LMCD1: variants seen among roughly 807,000 people sequenced by gnomAD.
LMCD1 encodes LIM and cysteine rich domains 1.
A neutral mutation model predicts 42.7 loss-of-function variants in LMCD1; 32 were observed. The ratio of observed to expected loss-of-function variants is 0.75; its 90% CI spans 0.57 to 1.01. The LOEUF (loss-of-function observed/expected upper bound fraction) is 1.01, where lower values mean the gene tolerates loss of function less well. Among genes scored for constraint, LMCD1 ranks in the 50% least tolerant of loss-of-function variants. The pLI, the probability that LMCD1 is intolerant of heterozygous loss-of-function variation, is 0.00. For synonymous variants in LMCD1, 178 were observed against 184.9 expected, an observed-to-expected ratio of 0.96 and a Z score of 0.30; for missense variants, 458 against 483.1, an observed-to-expected ratio of 0.95 and a Z score of 0.49.
intron 1 of LMCD1, among the ~76,000 whole-genome samples, chr3:8,516,516 G>A (rs1235530319): frequency 1.3e-5 from 2 of 152,114 alleles, no homozygotes; most frequent in Admixed American, 6.5e-5. Context: ...GCTCTTTGAA[G>A]TGCAAGAAAT....
chr3:8,547,819 G>A (rs2125031492), intron 3 of LMCD1, among the ~76,000 whole-genome samples: 1 of 152,058 alleles, frequency 6.6e-6, no homozygotes, highest in Non-Finnish European at 1.5e-5. Flanking sequence ...CCGGGAGGCA[G>A]AGCTTGCAGT....
intron 3 of LMCD1, among the ~76,000 whole-genome samples, chr3:8,548,228 G>A (rs1559354481): frequency 6.6e-6 from 1 of 152,090 alleles, no homozygotes; most frequent in Non-Finnish European, 1.5e-5. Context: ...GATGAGCTTT[G>A]ACACAGATAC....
intron 1 of LMCD1, among the ~76,000 whole-genome samples, chr3:8,518,142 A>C (rs1000763091): frequency 6.6e-6 from 1 of 152,150 alleles, no homozygotes; most frequent in African/African-American, 2.4e-5. Context: ...GTTCAACACT[A>C]AGCTCCAACA....
intron 1 of LMCD1, among the ~76,000 whole-genome samples, chr3:8,511,788 T>C (rs1229127186): frequency 2.6e-5 from 4 of 152,182 alleles, no homozygotes; most frequent in Non-Finnish European, 5.9e-5. Flanking sequence ...CTGTTCCTCT[T>C]CCTCTCAAGC....
At chr3:8,517,617 T>G (rs1458818679) in intron 1 of LMCD1, among the ~76,000 whole-genome samples, 1 of 152,228 alleles carries the variant, frequency 6.6e-6, no homozygotes, top group Non-Finnish European at 1.5e-5. Context: ...TTCAGTTCTT[T>G]CATTCTTCTG....
intron 1 of LMCD1, among the ~76,000 whole-genome samples, chr3:8,524,563 G>T (rs568018859): frequency 2.0e-5 from 3 of 152,314 alleles, no homozygotes; most frequent in East Asian, 3.9e-4. Context: ...AACTCTCCTT[G>T]TAGGGAATGG....
At chr3:8,502,611 C>T (rs1025599433) in intron 1 of LMCD1, among the ~76,000 whole-genome samples, 13 of 146,496 alleles carry the variant, frequency 8.9e-5, no homozygotes, top group Admixed American at 4.9e-4. Context: ...CACACACGCA[C>T]GCAGTTTCTT....
chr3:8,521,786 A>G (rs993657216), intron 1 of LMCD1, among the ~76,000 whole-genome samples: 4 of 152,166 alleles, frequency 2.6e-5, no homozygotes, highest in African/African-American at 9.7e-5. Flanking sequence ...GATGATAGGT[A>G]GACAGTGCTG....
At chr3:8,567,029 T>G (rs1260663461) in intron 5 of LMCD1, among the ~76,000 whole-genome samples, 1 of 152,206 alleles carries the variant, frequency 6.6e-6, no homozygotes, top group Non-Finnish European at 1.5e-5. Flanking sequence ...ATATGTCTAT[T>G]CCAAGTGTCA....
chr3:8,527,797 A>G (rs1458271433), intron 1 of LMCD1, among the ~76,000 whole-genome samples: 1 of 152,184 alleles, frequency 6.6e-6, no homozygotes, highest in African/African-American at 2.4e-5. Context: ...TAGAATCACA[A>G]TTGTTGTGCA....
chr3:8,572,612 A>G lies in LMCD1; in HGVS notation c.*5014A>G, dbSNP rs1205934951. Reference sequence around the variant, plus strand: ...TAAGGAAAAGCACTATCTTCTCCCCATTTATTAATTCACATATTTACATCA... The same window carrying G: ...TAAGGAAAAGCACTATCTTCTCCCCGTTTATTAATTCACATATTTACATCA... On this transcript the variant is annotated 3_prime_UTR_variant, in exon 6 of 6. Transcript: ENST00000157600. 6.6e-6 allele frequency: 1 copy of G among 152,134 alleles called. No individual in the cohort carries two copies. Among genetic ancestry groups the G allele is most frequent in the Admixed American group, 6.5e-5 (1 of 15,272 alleles). The allele number at this position is 152,134 out of a possible 1,614,324, so 9.4% of individuals were successfully genotyped here. A position where few individuals can be genotyped will look rare whatever the true frequency, so the allele number is the denominator to read the frequency against.
chr3:8,536,236 A>G (rs1043646528), intron 2 of LMCD1, among the ~76,000 whole-genome samples: 5 of 152,186 alleles, frequency 3.3e-5, no homozygotes, highest in African/African-American at 9.7e-5. Context: ...CTCAAGTTGC[A>G]TGCAGAAGAG....
intron 3 of LMCD1, among the ~76,000 whole-genome samples, chr3:8,544,483 C>A (rs1490695851): frequency 6.6e-6 from 1 of 152,140 alleles, no homozygotes; most frequent in Non-Finnish European, 1.5e-5. Flanking sequence ...GGCAGAGTGA[C>A]CAATGGGGCG....
intron 1 of LMCD1, among the ~76,000 whole-genome samples, chr3:8,520,949 A>G (rs1694193655): frequency 6.6e-6 from 1 of 152,202 alleles, no homozygotes; most frequent in Non-Finnish European, 1.5e-5. Context: ...CAATTCTGAA[A>G]CAGCGGAAAA....
intron 1 of LMCD1, among the ~76,000 whole-genome samples, chr3:8,519,264 A>G (rs1694155247): frequency 6.6e-6 from 1 of 152,206 alleles, no homozygotes. Flanking sequence ...TGTCTGAGGG[A>G]TAAATAGAAG....
At chr3:8,515,289 C>T (rs1233308949) in intron 1 of LMCD1, among the ~76,000 whole-genome samples, 2 of 152,188 alleles carry the variant, frequency 1.3e-5, no homozygotes, top group South Asian at 2.1e-4. Flanking sequence ...CAGAATGTCA[C>T]TCATTCCCTG....
At chr3:8,521,359 T>C (rs1427812525) in intron 1 of LMCD1, among the ~76,000 whole-genome samples, 1 of 152,160 alleles carries the variant, frequency 6.6e-6, no homozygotes, top group Admixed American at 6.5e-5. Flanking sequence ...AATTTAGAAT[T>C]TGGAACTTTT....
chr3:8,506,317 T>C (rs574256379), intron 1 of LMCD1, among the ~76,000 whole-genome samples: 1 of 152,322 alleles, frequency 6.6e-6, no homozygotes, highest in South Asian at 2.1e-4. Context: ...AAAATGACTT[T>C]GGCATTCCCC....
At chr3:8,554,538 C>T (rs1258206430) in intron 4 of LMCD1, among the ~76,000 whole-genome samples, 34 of 152,196 alleles carry the variant, frequency 2.2e-4, no homozygotes, top group Admixed American at 2.2e-3. Context: ...GTTCCACCCA[C>T]TGTGGGTTCT....
Sources: allele counts gnomAD v4.1 joint callset (sites outside exome capture counted in the v4.1 genomes callset), GRCh38; gene constraint gnomAD v4.1.1; transcripts MANE v1.5; gene names NCBI Gene and HGNC (gene_info 2026-07-23, HGNC 2026-07-21).